The following POLK variants were observed in gnomAD, a reference collection of about 807,000 sequenced individuals.
The protein encoded by POLK is polymerase (DNA directed) kappa.
A neutral mutation model predicts 94.0 loss-of-function variants in POLK; 76 were observed. The ratio of observed to expected loss-of-function variants is 0.81; its 90% CI spans 0.67 to 0.98. The LOEUF (loss-of-function observed/expected upper bound fraction) is 0.98, where lower values mean the gene tolerates loss of function less well. Ranked by LOEUF, POLK falls within the 50% of genes least tolerant of loss-of-function variation. The pLI is 0.00. For missense variants in POLK, 954 were observed against 1,010.1 expected, an observed-to-expected ratio of 0.94 and a Z score of 0.75; for synonymous variants, 349 against 325.4, an observed-to-expected ratio of 1.07 and a Z score of -0.78.
chr5:75,530,396 CTTTTTTTTTTTTT>C lies in POLK; in HGVS notation c.-13-16600_-13-16588del, dbSNP rs201266079. Among the ~76,000 whole-genome samples the C allele has an allele frequency of 9.7e-5, 6 of 61,618 alleles. No homozygotes were observed. In the South Asian group the frequency reaches 1.8e-3, roughly 19 times the overall value. 40.4% of individuals were successfully genotyped at this position (61,618 alleles called of 152,430 possible). A position where few individuals can be genotyped will look rare whatever the true frequency, so the allele number is the denominator to read the frequency against. ...TCTTTGTATTTTTTTTTCCCTTTTT[CTTTTTTTTTTTTT>C]TTTTTTTTTTTTTGAGTTGGAATCT... On this transcript the variant is annotated intron_variant, in intron 1 of 14. Transcript: ENST00000241436.
chr5:75,585,046 C>G (rs1772395094), intron 9 of POLK, 120 bp downstream of exon 9: 1 of 680,022 alleles, frequency 1.5e-6, no homozygotes, highest in South Asian at 1.9e-5. Flanking sequence ...TAGTTTAATT[C>G]AAAATATAAT....
At chr5:75,578,753 C>T (rs1772045181) in intron 6 of POLK, among the ~76,000 whole-genome samples, 1 of 152,146 alleles carries the variant, frequency 6.6e-6, no homozygotes, top group African/African-American at 2.4e-5. Flanking sequence ...GCTGTTTCCC[C>T]ATTTTCTAAA....
chr5:75,580,874 T>TC (rs1299385315), intron 6 of POLK, among the ~76,000 whole-genome samples: 2 of 151,496 alleles, frequency 1.3e-5, no homozygotes, highest in African/African-American at 4.8e-5. Context: ...TTCCTTTTTT[T>TC]TTTTTTAAGA....
chr5:75,576,903 T>C, exon 6 of POLK: 1 of 1,569,798 alleles, frequency 6.4e-7, no homozygotes, highest in South Asian at 1.2e-5. Context: ...AAGAAGGTAT[T>C]TCATCAAAAT....
At chr5:75,587,028 A>G in exon 10 of POLK, 1 of 1,551,858 alleles carries the variant, frequency 6.4e-7, no homozygotes, top group South Asian at 1.2e-5. Flanking sequence ...ATTTCAAGGG[A>G]TGGAGAGAGG....
chr5:75,552,656 T>C, intron 3 of POLK, 65 bp downstream of exon 3: 1 of 1,398,044 alleles, frequency 7.2e-7, no homozygotes, highest in Non-Finnish European at 9.8e-7. Flanking sequence ...TAAAATGTAT[T>C]GTCAAGTCAT....
chr5:75,589,315 A>T (rs946662666), intron 10 of POLK, among the ~76,000 whole-genome samples: 7 of 151,866 alleles, frequency 4.6e-5, no homozygotes, highest in Non-Finnish European at 1.0e-4. Flanking sequence ...CAATGTATCT[A>T]AAATTCTACT....
intron 11 of POLK, among the ~76,000 whole-genome samples, chr5:75,592,698 C>T (rs1433742322): frequency 7.2e-6 from 1 of 137,968 alleles, no homozygotes. Context: ...CTGTCTAAAA[C>T]AACAAAAAAA....
At chr5:75,538,462 T>C (rs551361739) in intron 1 of POLK, 2 of 152,350 alleles carry the variant, frequency 1.3e-5, no homozygotes, top group African/African-American at 4.8e-5. Context: ...TTTTAACTCA[T>C]GCTTTCTTTC....
intron 1 of POLK, among the ~76,000 whole-genome samples, chr5:75,518,822 G>A (rs1279409534): frequency 6.6e-6 from 1 of 152,040 alleles, no homozygotes; most frequent in Non-Finnish European, 1.5e-5. Flanking sequence ...TGTTTCCATT[G>A]TCATTTGATT....
intron 11 of POLK, among the ~76,000 whole-genome samples, chr5:75,591,807 T>G (rs5744701): frequency 0.012 from 1,873 of 152,304 alleles, 39 homozygotes; most frequent in African/African-American, 0.043. Context: ...GTCTGATGAT[T>G]TTCTCATGAT....
chr5:75,573,662 G>C (rs141617871), intron 4 of POLK, 76 bp from the exon 5 acceptor site: 1 of 1,195,672 alleles, frequency 8.4e-7, no homozygotes, highest in Non-Finnish European at 1.2e-6. Context: ...ATATTAATGT[G>C]TTTCTTATGA....
chr5:75,599,746 G>T (rs1172761345), exon 15 of POLK: 1 of 151,878 alleles, frequency 6.6e-6, no homozygotes, highest in Non-Finnish European at 1.5e-5. Context: ...TTCATTTAAG[G>T]ATTTATGTAG....
chr5:75,538,054 C>T (rs1769540234), intron 1 of POLK, among the ~76,000 whole-genome samples: 1 of 152,014 alleles, frequency 6.6e-6, no homozygotes, highest in Admixed American at 6.6e-5. Context: ...GACGGGGTTT[C>T]ACCATGTTAG....
At chr5:75,515,872 C>T (rs80180254) in intron 1 of POLK, among the ~76,000 whole-genome samples, 7,467 of 152,122 alleles carry the variant, frequency 0.049, 540 homozygotes, top group African/African-American at 0.17. Flanking sequence ...GCGTGGGCAA[C>T]GTAGTGAGAC....
At chr5:75,569,216 GATGGATGA>G in intron 3 of POLK, 116 bp from the exon 4 acceptor site, 1 of 640,158 alleles carries the variant, frequency 1.6e-6, no homozygotes. Context: ...TGGATGGATG[GATGGATGA>G]ATGGGTGTGT....
chr5:75,580,597 G>A (rs1772142613), intron 6 of POLK: 1 of 806,194 alleles, frequency 1.2e-6, no homozygotes, highest in Non-Finnish European at 1.5e-6. Context: ...AACTTTCACA[G>A]GTAATTTCTA....
exon 15 of POLK, chr5:75,598,072 A>G (rs1481606702): frequency 1.5e-5 from 11 of 716,232 alleles, no homozygotes; most frequent in Non-Finnish European, 2.5e-5. Flanking sequence ...TTTATAATCA[A>G]TGAATTTGTT....
intron 3 of POLK, among the ~76,000 whole-genome samples, chr5:75,553,792 C>G (rs1770449993): frequency 6.6e-6 from 1 of 152,130 alleles, no homozygotes. Flanking sequence ...ATGAGAATTT[C>G]CTCTTTTATT....
Sources: gnomAD v4.1 joint callset for allele counts (sites outside exome capture counted in the v4.1 genomes callset) on GRCh38, gnomAD v4.1.1 for gene constraint, MANE v1.5 for transcripts, NCBI Gene and HGNC (gene_info 2026-07-23, HGNC 2026-07-21) for gene names.